MAF: variants seen among roughly 807,000 people sequenced by gnomAD.
The protein encoded by MAF is transcription factor Maf.
MAF carries 10 observed loss-of-function variants against 22.0 expected under a neutral mutation model. The ratio of observed to expected loss-of-function variants is 0.45; its 90% CI spans 0.28 to 0.77. MAF has a LOEUF of 0.77. Among genes scored for constraint, MAF ranks in the 30% least tolerant of loss-of-function variants. The pLI is 0.12. For synonymous variants in MAF, 337 were observed against 255.8 expected (o/e 1.32, Z -3.03); for missense variants, 544 against 548.4 (o/e 0.99, Z 0.08).
chr16:79,272,763 C>T, the MAF span, among the ~76,000 whole-genome samples: 12 of 152,288 alleles, frequency 7.9e-5, no homozygotes, highest in African/African-American at 2.6e-4. Flanking sequence ...AACTTCTCCT[C>T]ACCACCCACA....
the MAF span, among the ~76,000 whole-genome samples, chr16:79,417,164 C>T: frequency 1.3e-5 from 2 of 152,152 alleles, no homozygotes; most frequent in Admixed American, 6.5e-5. Context: ...TGCCTGCAGC[C>T]GACCCCTTCC....
At chr16:79,563,941 T>C in the MAF span, among the ~76,000 whole-genome samples, 1 of 152,240 alleles carries the variant, frequency 6.6e-6, no homozygotes, top group Non-Finnish European at 1.5e-5. Flanking sequence ...TTTTTGGATG[T>C]TGGGAAAGCC....
chr16:79,472,178 C>T, the MAF span, among the ~76,000 whole-genome samples: 1 of 152,072 alleles, frequency 6.6e-6, no homozygotes, highest in Admixed American at 6.6e-5. Flanking sequence ...CCTCAAGCAG[C>T]TCAAAGGCTG....
At chr16:79,266,781 GGGCTT>G in the MAF span, among the ~76,000 whole-genome samples, 1 of 152,150 alleles carries the variant, frequency 6.6e-6, no homozygotes, top group African/African-American at 2.4e-5. Flanking sequence ...ACAGGATACT[GGGCTT>G]GGAAGGCAAG....
the MAF span, among the ~76,000 whole-genome samples, chr16:79,492,132 G>A: frequency 6.6e-6 from 1 of 152,136 alleles, no homozygotes; most frequent in African/African-American, 2.4e-5. Context: ...GAGCAGGCAC[G>A]GGCATGAGAG....
chr16:79,239,899 A>T, the MAF span, among the ~76,000 whole-genome samples: 1 of 152,078 alleles, frequency 6.6e-6, no homozygotes, highest in Non-Finnish European at 1.5e-5. Flanking sequence ...CCTTGAAGAA[A>T]GATGATTATT....
At chr16:79,370,920 T>C in the MAF span, among the ~76,000 whole-genome samples, 5 of 152,220 alleles carry the variant, frequency 3.3e-5, no homozygotes, top group African/African-American at 4.8e-5. Context: ...TTCTCATTTG[T>C]TCTGGGTGTT....
the MAF span, among the ~76,000 whole-genome samples, chr16:79,534,815 C>G: frequency 6.6e-6 from 1 of 152,154 alleles, no homozygotes; most frequent in South Asian, 2.1e-4. Flanking sequence ...CTGTAAGGGT[C>G]TAGAACTAGA....
chr16:79,462,809 G>T, the MAF span, among the ~76,000 whole-genome samples: 1 of 152,188 alleles, frequency 6.6e-6, no homozygotes, highest in East Asian at 1.9e-4. Context: ...AGGTGCTAGG[G>T]ATGTCAAAGT....
the MAF span, among the ~76,000 whole-genome samples, chr16:79,490,646 T>C: frequency 2.6e-5 from 4 of 152,146 alleles, no homozygotes; most frequent in African/African-American, 9.7e-5. Context: ...ATAAATATAT[T>C]ATAAGACTTA....
the MAF span, among the ~76,000 whole-genome samples, chr16:79,385,100 G>A: frequency 6.6e-6 from 1 of 152,160 alleles, no homozygotes; most frequent in African/African-American, 2.4e-5. Flanking sequence ...CTAGACATAG[G>A]TGGATTTTTT....
the MAF span, among the ~76,000 whole-genome samples, chr16:79,573,301 C>T: frequency 6.6e-6 from 1 of 152,204 alleles, no homozygotes; most frequent in African/African-American, 2.4e-5. Context: ...CGAGCCTTTG[C>T]TTTACAGCAT....
At chr16:79,363,805 T>C in the MAF span, among the ~76,000 whole-genome samples, 1 of 152,138 alleles carries the variant, frequency 6.6e-6, no homozygotes, top group Non-Finnish European at 1.5e-5. Flanking sequence ...GTTGACTAGA[T>C]ATAGGACATC....
chr16:79,339,725 A>C, the MAF span, among the ~76,000 whole-genome samples: 3 of 152,222 alleles, frequency 2.0e-5, no homozygotes, highest in Admixed American at 2.0e-4. Flanking sequence ...AATGCAGTAC[A>C]CCAGCTTTGC....
the MAF span, among the ~76,000 whole-genome samples, chr16:79,300,705 T>C: frequency 6.6e-6 from 1 of 151,130 alleles, no homozygotes. Flanking sequence ...TTTTTTTTTC[T>C]TTTTTGGAGA....
chr16:79,325,414 A>G, the MAF span, among the ~76,000 whole-genome samples: 1 of 152,114 alleles, frequency 6.6e-6, no homozygotes, highest in Non-Finnish European at 1.5e-5. Context: ...CTCAGGTATG[A>G]TCATAATCGT....
chr16:79,366,624 A>G, the MAF span, among the ~76,000 whole-genome samples: 1 of 152,170 alleles, frequency 6.6e-6, no homozygotes, highest in African/African-American at 2.4e-5. Context: ...AAGGATGTGG[A>G]TTTCTGGTGG....
chr16:79,374,477 C>T, the MAF span, among the ~76,000 whole-genome samples: 1 of 152,332 alleles, frequency 6.6e-6, no homozygotes, highest in Non-Finnish European at 1.5e-5. Context: ...GCTACAGCCT[C>T]ATTTCTTCAT....
the MAF span, among the ~76,000 whole-genome samples, chr16:79,577,602 C>T: frequency 5.3e-5 from 8 of 152,142 alleles, no homozygotes; most frequent in Non-Finnish European, 1.0e-4. Context: ...GCTTCGGGAA[C>T]ATCACTGTCT....
Sources: allele counts gnomAD v4.1 joint callset (sites outside exome capture counted in the v4.1 genomes callset), GRCh38; gene constraint gnomAD v4.1.1; transcripts MANE v1.5; gene names NCBI Gene and HGNC (gene_info 2026-07-23, HGNC 2026-07-21).